Variants in RIN2 observed in about 807,000 individuals in gnomAD.
The protein encoded by RIN2 is Ras and Rab interactor 2.
In RIN2, 36 loss-of-function variants were observed where a neutral mutation model predicts 78.0. The observed-to-expected ratio is 0.46, with a 90% CI of 0.35 to 0.61. The LOEUF is 0.61. Among genes scored for constraint, RIN2 ranks in the 20% least tolerant of loss-of-function variants. The pLI, the probability that RIN2 is intolerant of heterozygous loss-of-function variation, is 0.00. For synonymous variants in RIN2, 466 were observed against 466.8 expected (o/e 1.00, Z 0.02); for missense variants, 1,087 against 1,159.7 (o/e 0.94, Z 0.91).
In RIN2 at chr20:19,974,866, A is replaced by C. The variant is rs776142609; in HGVS notation, c.841A>C (p.Ser281Arg). 62 of 1,613,938 alleles carry C rather than the reference A, an allele frequency of 3.8e-5. No individual in the cohort carries two copies. Among genetic ancestry groups the C allele is most frequent in the Non-Finnish European group, 5.0e-5 (59 of 1,179,908 alleles). ...TAATCCCCTTTTCTTGAAAGTGCAC[A>C]GCCAGGACCTCAGTGGAGGCCTGAA... ...FINPLFLKVHSQDLSGGLKRP... is the reference protein window; with the variant it reads ...FINPLFLKVHRQDLSGGLKRP... Residue 281 changes from serine to arginine, a missense_variant, in exon 9 of 13, where the codon AGC (serine) becomes CGC (arginine). Physicochemically the swap from Ser to Arg is moderately radical, Grantham distance 110. Around this residue, in one of 8 missense-constraint regions of RIN2, gnomAD observed 706 missense variants for 667.5 expected, o/e 1.06. Coordinates refer to ENST00000255006, the MANE Select transcript of RIN2 (RefSeq NM_018993.4).
intron 11 of RIN2, among the ~76,000 whole-genome samples, chr20:19,995,517 G>C (rs1468222403): frequency 6.6e-6 from 1 of 152,136 alleles, no homozygotes; most frequent in East Asian, 1.9e-4. Flanking sequence ...CTAATTATAT[G>C]TTAGGACAAA....
chr20:19,774,066 T>C (rs1038878207), intron 1 of RIN2, among the ~76,000 whole-genome samples: 2 of 152,122 alleles, frequency 1.3e-5, no homozygotes, highest in East Asian at 3.9e-4. Flanking sequence ...CAACTGTGTT[T>C]ATGGGCTGTC....
intron 2 of RIN2, among the ~76,000 whole-genome samples, chr20:19,822,847 T>A (rs529004671): frequency 6.6e-6 from 1 of 152,242 alleles, no homozygotes; most frequent in African/African-American, 2.4e-5. Flanking sequence ...TTATTTAGTA[T>A]GCTATAATTT....
intron 2 of RIN2, chr20:19,823,354 A>G: frequency 1.7e-6 from 1 of 605,512 alleles, no homozygotes; most frequent in Admixed American, 3.0e-5. Context: ...TCTCTGAGCA[A>G]GTGAGTGAAT....
chr20:20,000,070 C>G (rs6112707), intron 12 of RIN2, among the ~76,000 whole-genome samples: 1 of 152,188 alleles, frequency 6.6e-6, no homozygotes, highest in Non-Finnish European at 1.5e-5. Flanking sequence ...TGGCATGCAC[C>G]TGTACACCTA....
intron 2 of RIN2, among the ~76,000 whole-genome samples, chr20:19,862,426 T>TA (rs2037371484): frequency 1.3e-5 from 2 of 152,240 alleles, no homozygotes; most frequent in South Asian, 4.2e-4. Context: ...ACCCTATCTC[T>TA]ACTAAAAATA....
At chr20:19,780,693 C>T (rs2034471631) in intron 1 of RIN2, among the ~76,000 whole-genome samples, 1 of 152,222 alleles carries the variant, frequency 6.6e-6, no homozygotes, top group Non-Finnish European at 1.5e-5. Context: ...GCCTCTGTTG[C>T]AACCCTCGTG....
intron 3 of RIN2, among the ~76,000 whole-genome samples, chr20:19,924,209 A>C (rs59408545): frequency 7.8e-4 from 7 of 8,938 alleles, no homozygotes; most frequent in East Asian, 0.011. Flanking sequence ...CATACCCCCA[A>C]CTTTCATACC....
intron 1 of RIN2, 199 bp from the exon 2 acceptor site, chr20:19,799,423 T>C (rs1054367796): frequency 1.3e-5 from 2 of 152,186 alleles, no homozygotes; most frequent in African/African-American, 4.8e-5. Context: ...TTAGAGGGCA[T>C]TCTGGTAAAG....
At chr20:19,800,698 A>G (rs1399645483) in intron 2 of RIN2, among the ~76,000 whole-genome samples, 1 of 152,200 alleles carries the variant, frequency 6.6e-6, no homozygotes, top group Non-Finnish European at 1.5e-5. Context: ...TCGAGCAGAG[A>G]TAAGCTGTCC....
chr20:19,784,081 C>T (rs964634380), intron 1 of RIN2, among the ~76,000 whole-genome samples: 1 of 152,154 alleles, frequency 6.6e-6, no homozygotes, highest in Non-Finnish European at 1.5e-5. Flanking sequence ...CACCGGATGG[C>T]GCTGCTTGAA....
chr20:19,890,595 T>G (rs767276861), intron 3 of RIN2, among the ~76,000 whole-genome samples: 8 of 142,894 alleles, frequency 5.6e-5, no homozygotes, highest in Non-Finnish European at 1.2e-4. Context: ...CCTTTATGGG[T>G]TGGAAGTATC....
rs186097113 is a variant in RIN2 at position 19,920,229 on chromosome 20, G to A, written c.58-14870G>A. ...GAGAATGGCGTGAACCCGGGAGGGG[G>A]AGCTTGCAGTGAGCTGAGATCGCGC... On this transcript the variant is annotated intron_variant, in intron 3 of 12. Transcript: ENST00000255006. Among the ~76,000 whole-genome samples, 506 of 151,208 alleles carry A rather than the reference G, an allele frequency of 3.3e-3. 2 individuals carry two copies. The highest frequency in any genetic ancestry group is 5.8e-3 in the Non-Finnish European group (394 of 67,914).
intron 2 of RIN2, 22 bp from the exon 3 acceptor site, chr20:19,889,544 T>C (rs944054173): frequency 2.8e-5 from 44 of 1,545,156 alleles, no homozygotes; most frequent in Non-Finnish European, 3.6e-5. Flanking sequence ...GGACTAACCA[T>C]TAAAAATGTC....
intron 1 of RIN2, among the ~76,000 whole-genome samples, chr20:19,776,731 C>CA (rs778463108): frequency 1.6e-3 from 189 of 116,648 alleles, no homozygotes; most frequent in Middle Eastern, 4.4e-3. Context: ...GACCCTGTCT[C>CA]AAAAAAAAAA....
intron 3 of RIN2, among the ~76,000 whole-genome samples, chr20:19,913,479 G>C (rs568662499): frequency 6.6e-6 from 1 of 152,186 alleles, no homozygotes; most frequent in Non-Finnish European, 1.5e-5. Flanking sequence ...GTACAATTCT[G>C]TGGCATTAAG....
chr20:19,829,148 G>A lies in RIN2; in HGVS notation c.-37+29401G>A, dbSNP rs1056218741. Among the ~76,000 whole-genome samples the A allele has an allele frequency of 3.9e-5, 6 of 152,166 alleles. No homozygotes were observed. In the South Asian group the frequency reaches 6.2e-4, roughly 16 times the overall value. On this transcript the variant is annotated intron_variant, in intron 2 of 12. Coordinates refer to ENST00000255006, the MANE Select transcript of RIN2 (RefSeq NM_018993.4). ...ACCTATATGATGGGACGCTTTGGGT[G>A]AGAGGTTCATGGAGGTTCTGATTGA...
rs1372801713 is a variant in RIN2 at position 19,820,672 on chromosome 20, G to A, written c.-37+20925G>A. ...GCCAGGCCAGTCTTCCTGGGCCAGT[G>A]TGGACCATGTACTTCCTGTGGTTAG... On this transcript the variant is annotated intron_variant, in intron 2 of 12. Transcript: ENST00000255006. 1.3e-5 allele frequency among the ~76,000 whole-genome samples: 2 copies of A among 152,160 alleles called. 1 individual carries two copies. Among genetic ancestry groups the A allele is most frequent in the East Asian group, 3.9e-4 (2 of 5,174 alleles).
chr20:19,989,002 A>T (rs1249810102), intron 9 of RIN2, among the ~76,000 whole-genome samples: 2 of 152,092 alleles, frequency 1.3e-5, no homozygotes, highest in African/African-American at 2.4e-5. Flanking sequence ...TTTTTTCTGA[A>T]CCATTTAAGT....
Sources: gnomAD v4.1 joint callset for allele counts (sites outside exome capture counted in the v4.1 genomes callset) on GRCh38, gnomAD v4.1.1 for gene constraint, gnomAD v4.1.1 regional missense constraint, MANE v1.5 for transcripts, NCBI Gene and HGNC (gene_info 2026-07-23, HGNC 2026-07-21) for gene names.